The following RNFT2 variants were observed in gnomAD, a reference collection of about 807,000 sequenced individuals.
RNFT2 encodes the protein ring finger protein, transmembrane 2, also known as E3 ubiquitin-protein ligase RNFT2.
Under a neutral mutation model 53.0 loss-of-function variants are expected in RNFT2, and 36 were observed. The observed-to-expected ratio is 0.68, with a 90% CI of 0.52 to 0.90. The LOEUF is 0.90. RNFT2 is among the 40% of genes least tolerant of loss of function. The pLI, the probability that RNFT2 is intolerant of heterozygous loss-of-function variation, is 0.00. For synonymous variants in RNFT2, 260 were observed against 253.2 expected, an observed-to-expected ratio of 1.03 and a Z score of -0.26; for missense variants, 514 against 585.6, an observed-to-expected ratio of 0.88 and a Z score of 1.26.
intron 7 of RNFT2, among the ~76,000 whole-genome samples, chr12:116,817,115 C>T (rs181904910): frequency 1.1e-3 from 171 of 152,268 alleles, no homozygotes; most frequent in African/African-American, 3.9e-3. Flanking sequence ...TGGGTTCAAG[C>T]GATTCTCATG....
At chr12:116,818,427 T>C (rs1406338309) in intron 7 of RNFT2, among the ~76,000 whole-genome samples, 1 of 152,156 alleles carries the variant, frequency 6.6e-6, no homozygotes, top group Admixed American at 6.5e-5. Context: ...GGTTCAGCAC[T>C]GCCGTTCAGT....
At chr12:116,811,510 G>C (rs543170825) in intron 7 of RNFT2, among the ~76,000 whole-genome samples, 21 of 151,984 alleles carry the variant, frequency 1.4e-4, no homozygotes, top group African/African-American at 5.1e-4. Context: ...TGAGCAGCTG[G>C]GATTACAGGC....
At chr12:116,754,182 T>C (rs1566070887) in intron 5 of RNFT2, 122 bp downstream of exon 5, 1 of 741,508 alleles carries the variant, frequency 1.3e-6, no homozygotes, top group African/African-American at 1.7e-5. Flanking sequence ...TGCGTCCTCA[T>C]AGCTTAACTC....
rs1009719003 is a variant in RNFT2, at chr12:116,763,695, C to T, written c.628-3119C>T. Among the ~76,000 whole-genome samples, 5 of 150,204 alleles carry T rather than the reference C, an allele frequency of 3.3e-5. No individual in the cohort carries two copies. In the East Asian group the frequency reaches 6.0e-4, roughly 18 times the overall value. ...TCGGGAGGCTGAGGCAGGAGAATGG[C>T]GTGAACCTGGGAGTTGGAACTTGCA... On this transcript the variant is annotated intron_variant, in intron 5 of 10. Transcript: ENST00000257575.
chr12:116,777,208 G>GTGCCCAGC (rs1555261097), intron 6 of RNFT2, among the ~76,000 whole-genome samples: 1 of 151,972 alleles, frequency 6.6e-6, no homozygotes. Context: ...GTGAGCCACC[G>GTGCCCAGC]TGCCCAGCCT....
chr12:116,803,826 G>T (rs1345970333), intron 7 of RNFT2, among the ~76,000 whole-genome samples: 1 of 152,174 alleles, frequency 6.6e-6, no homozygotes, highest in Non-Finnish European at 1.5e-5. Flanking sequence ...AACATCAGGG[G>T]GCCAATGAGG....
chr12:116,790,522 C>T (rs192521476), intron 7 of RNFT2, among the ~76,000 whole-genome samples: 16 of 152,300 alleles, frequency 1.1e-4, no homozygotes, highest in Admixed American at 3.3e-4. Flanking sequence ...CTTATAGCAG[C>T]GGGAGCAGCC....
At chr12:116,763,324 T>C (rs1417670471) in intron 5 of RNFT2, among the ~76,000 whole-genome samples, 2 of 152,150 alleles carry the variant, frequency 1.3e-5, no homozygotes, top group Non-Finnish European at 2.9e-5. Context: ...CACAATGCAG[T>C]ACCACCTTAC....
At chr12:116,778,155 G>T (rs1286214106) in intron 6 of RNFT2, among the ~76,000 whole-genome samples, 1 of 150,962 alleles carries the variant, frequency 6.6e-6, no homozygotes, top group Non-Finnish European at 1.5e-5. Context: ...CCTTCCTTTT[G>T]CCTCCTCTCG....
chr12:116,740,149 G>T (rs1342012306), intron 1 of RNFT2, among the ~76,000 whole-genome samples, 196 bp from the exon 2 acceptor site: 1 of 151,870 alleles, frequency 6.6e-6, no homozygotes, highest in Admixed American at 6.6e-5. Flanking sequence ...GGGAGGCAGA[G>T]GTTGCAGTGA....
chr12:116,750,908 A>ATATAT (rs869162316), intron 4 of RNFT2, among the ~76,000 whole-genome samples: 6 of 70,024 alleles, frequency 8.6e-5, no homozygotes, highest in South Asian at 9.8e-4. Flanking sequence ...ATATATATAT[A>ATATAT]TTTTTTTTTG....
At chr12:116,818,105 T>TA (rs1163561962) in intron 7 of RNFT2, among the ~76,000 whole-genome samples, 1 of 152,142 alleles carries the variant, frequency 6.6e-6, no homozygotes, top group African/African-American at 2.4e-5. Flanking sequence ...ACTTTGGTTT[T>TA]AAAAAATATT....
At chr12:116,809,857 T>G (rs1875283437) in intron 7 of RNFT2, among the ~76,000 whole-genome samples, 1 of 152,018 alleles carries the variant, frequency 6.6e-6, no homozygotes, top group Non-Finnish European at 1.5e-5. Context: ...TATTTTTTAG[T>G]AAAGACAGGG....
chr12:116,743,242 A>AC (rs1871722456), intron 3 of RNFT2, among the ~76,000 whole-genome samples: 1 of 95,124 alleles, frequency 1.1e-5, no homozygotes, highest in Non-Finnish European at 2.0e-5. Context: ...AAAAAAAAAA[A>AC]AACCGGTTAA....
chr12:116,743,840 C>T (rs1477104176), intron 3 of RNFT2, among the ~76,000 whole-genome samples: 1 of 152,136 alleles, frequency 6.6e-6, no homozygotes, highest in Non-Finnish European at 1.5e-5. Context: ...CAAACCCCAG[C>T]TCAGCCACTT....
intron 7 of RNFT2, among the ~76,000 whole-genome samples, chr12:116,819,388 C>T (rs1363012771): frequency 6.6e-6 from 1 of 152,084 alleles, no homozygotes; most frequent in Non-Finnish European, 1.5e-5. Context: ...CGGCGGCGCG[C>T]AGAGCGGGGC....
intron 4 of RNFT2, among the ~76,000 whole-genome samples, chr12:116,750,830 A>G (rs11832385): frequency 6.6e-4 from 1 of 1,504 alleles, no homozygotes. Context: ...TATATATATA[A>G]TATATATATT....
Position 116,849,737 on chromosome 12 carries a change from T to A in RNFT2, c.*289T>A. On this transcript the variant is annotated 3_prime_UTR_variant, in exon 11 of 11. Transcript: ENST00000257575. The stretch of plus-strand genomic sequence containing the variant: ...CCTTCTCCACTCCAAGTCAAGGACC[T>A]GGCAATACATGAAGTTCCCACTTGT... 8.4e-7 allele frequency: 1 copy of A among 1,190,202 alleles called. No individual in the cohort carries two copies. Among genetic ancestry groups the A allele is most frequent in the Non-Finnish European group, 1.0e-6 (1 of 961,470 alleles). The allele number at this position is 1,190,202 out of a possible 1,614,324, so 73.7% of individuals were successfully genotyped here.
At chr12:116,765,926 C>T (rs907160087) in intron 5 of RNFT2, among the ~76,000 whole-genome samples, 5 of 152,140 alleles carry the variant, frequency 3.3e-5, no homozygotes, top group Non-Finnish European at 5.9e-5. Context: ...GTTGTAAACT[C>T]TTAATAATCA....
Sources: gnomAD v4.1 joint callset for allele counts (sites outside exome capture counted in the v4.1 genomes callset) on GRCh38, gnomAD v4.1.1 for gene constraint, MANE v1.5 for transcripts, NCBI Gene and HGNC (gene_info 2026-07-23, HGNC 2026-07-21) for gene names.